CDKAL1: variants seen among roughly 807,000 people sequenced by gnomAD.
CDKAL1 encodes CDKAL1 threonylcarbamoyladenosine tRNA methylthiotransferase, also known as threonylcarbamoyladenosine tRNA methylthiotransferase.
A neutral mutation model predicts 68.2 loss-of-function variants in CDKAL1; 32 were observed. The ratio of observed to expected loss-of-function variants is 0.47; its 90% CI spans 0.35 to 0.63. CDKAL1 has a LOEUF of 0.63. Among genes scored for constraint, CDKAL1 ranks in the 30% least tolerant of loss-of-function variants. The pLI is 0.00. For synonymous variants in CDKAL1, 234 were observed against 244.3 expected (o/e 0.96, Z 0.39); for missense variants, 606 against 696.7 (o/e 0.87, Z 1.47).
chr6:20,950,556 C>CAAATA (rs1455518799), intron 9 of CDKAL1, among the ~76,000 whole-genome samples: 2 of 152,092 alleles, frequency 1.3e-5, no homozygotes, highest in East Asian at 1.9e-4. Context: ...ATAAATATAA[C>CAAATA]ATATATGTTT....
At chr6:20,850,728 G>T (rs929976683) in intron 9 of CDKAL1, among the ~76,000 whole-genome samples, 1 of 152,110 alleles carries the variant, frequency 6.6e-6, no homozygotes, top group Non-Finnish European at 1.5e-5. Flanking sequence ...GTGATTATGA[G>T]ACATTTTATA....
chr6:21,207,399 A>G (rs2151114578), intron 15 of CDKAL1, among the ~76,000 whole-genome samples: 1 of 152,084 alleles, frequency 6.6e-6, no homozygotes, highest in East Asian at 1.9e-4. Flanking sequence ...GATGGTGTAT[A>G]CCTGTAGTCT....
chr6:20,548,602 A>G lies in CDKAL1; in HGVS notation c.183A>G (p.Pro61=). The G allele has an allele frequency of 1.4e-6, 2 of 1,465,276 alleles. No individual in the cohort carries two copies. Among genetic ancestry groups the G allele is most frequent in the Non-Finnish European group, 1.9e-6 (2 of 1,050,306 alleles). The allele number at this position is 1,465,276 out of a possible 1,614,324, so 90.8% of individuals were successfully genotyped here. Reference sequence around the variant, plus strand: ...ATTGATTCCTTAACAGCACTATTCCAGGCATACAGAAAATTTGGATACGAA... The same window carrying G: ...ATTGATTCCTTAACAGCACTATTCCGGGCATACAGAAAATTTGGATACGAA... ...ENSPPSDSTI[P]GIQKIWIRTW... is the part of the protein sequence containing the mutation. The change falls in exon 4 of 16, where the codon CCA becomes CCG. Residue 61 remains proline, a synonymous_variant. Transcript: ENST00000274695.
chr6:21,215,812 C>G (rs79844423), intron 15 of CDKAL1, among the ~76,000 whole-genome samples: 2,631 of 152,200 alleles, frequency 0.017, 73 homozygotes, highest in African/African-American at 0.052. Flanking sequence ...ACTTCACCCC[C>G]CAAAGGTGAT....
Position 21,112,467 on chromosome 6 carries a change from G to C in CDKAL1, c.1299+4004G>C, listed in dbSNP as rs1026780223. ...TTTAACAGGTAGTCACTATTTTTCT[G>C]TATTTTGTGAAGTGGGCTTCTTGCT... On this transcript the variant is annotated intron_variant, in intron 13 of 15. Transcript: ENST00000274695. Among the ~76,000 whole-genome samples the C allele has an allele frequency of 5.9e-5, 9 of 152,230 alleles. 1 individual carries two copies. Among genetic ancestry groups the C allele is most frequent in the Admixed American group, 4.6e-4 (7 of 15,298 alleles).
intron 8 of CDKAL1, among the ~76,000 whole-genome samples, chr6:20,787,750 G>A (rs188181932): frequency 1.3e-5 from 2 of 152,312 alleles, no homozygotes; most frequent in East Asian, 3.9e-4. Context: ...ACCAAACTGT[G>A]TTCTGTGGAC....
intron 10 of CDKAL1, among the ~76,000 whole-genome samples, chr6:20,997,544 G>C (rs1232092913): frequency 6.6e-6 from 1 of 151,728 alleles, no homozygotes; most frequent in Non-Finnish European, 1.5e-5. Context: ...GGGGTGGCGG[G>C]GGGAGGGGGA....
At chr6:20,931,825 C>T (rs1488691920) in intron 9 of CDKAL1, among the ~76,000 whole-genome samples, 1 of 152,124 alleles carries the variant, frequency 6.6e-6, no homozygotes, top group Non-Finnish European at 1.5e-5. Flanking sequence ...AAATATTTTT[C>T]GAGCAACTGT....
At chr6:20,949,347 G>T (rs79800092) in intron 9 of CDKAL1, among the ~76,000 whole-genome samples, 9,364 of 152,212 alleles carry the variant, frequency 0.062, 402 homozygotes, top group East Asian at 0.19. Flanking sequence ...ATTGTCCAAA[G>T]AATATTCATT....
intron 9 of CDKAL1, among the ~76,000 whole-genome samples, chr6:20,917,368 T>C (rs181817241): frequency 1.3e-5 from 2 of 152,282 alleles, no homozygotes; most frequent in African/African-American, 4.8e-5. Flanking sequence ...CTGGTAATAA[T>C]TGATAGAAAG....
chr6:20,697,277 A>G (rs1462852057), intron 5 of CDKAL1, among the ~76,000 whole-genome samples: 1 of 152,210 alleles, frequency 6.6e-6, no homozygotes, highest in Non-Finnish European at 1.5e-5. Flanking sequence ...TAAAAAATGC[A>G]TAGAGCATCA....
chr6:20,698,490 T>A (rs1771201982), intron 5 of CDKAL1, among the ~76,000 whole-genome samples: 1 of 152,202 alleles, frequency 6.6e-6, no homozygotes, highest in South Asian at 2.1e-4. Context: ...GCTTATCATG[T>A]CTTAGTCTTC....
rs1413208351 is a variant in CDKAL1, at chr6:21,029,107, C to T, written c.1055+28735C>T. On this transcript the variant is annotated intron_variant, in intron 11 of 15. Coordinates refer to ENST00000274695, the MANE Select transcript of CDKAL1 (RefSeq NM_017774.3). The stretch of plus-strand genomic sequence containing the variant: ...TGTTTCCCAGGCTGGAATGCAGTGG[C>T]ACAATTATGGCTCACTGTAACCTTG... Among the ~76,000 whole-genome samples, 7 of 152,268 alleles carry T rather than the reference C, an allele frequency of 4.6e-5. No homozygotes were observed. The East Asian group carries it at 1.2e-3, about 25-fold the overall frequency.
chr6:20,618,289 A>G (rs923706957), intron 4 of CDKAL1, among the ~76,000 whole-genome samples: 2 of 152,022 alleles, frequency 1.3e-5, no homozygotes, highest in African/African-American at 4.8e-5. Context: ...ATTTGTTTAA[A>G]TTCTTTGTAT....
chr6:21,160,239 C>T (rs907420848), intron 13 of CDKAL1, among the ~76,000 whole-genome samples: 1 of 152,072 alleles, frequency 6.6e-6, no homozygotes, highest in Non-Finnish European at 1.5e-5. Context: ...TGAGCAGTCA[C>T]CTTTTTGTTT....
At chr6:21,192,369 ATGAAGTTC>A (rs1405787602) in intron 13 of CDKAL1, among the ~76,000 whole-genome samples, 2 of 152,160 alleles carry the variant, frequency 1.3e-5, no homozygotes, top group African/African-American at 4.8e-5. Flanking sequence ...AAATGATGAA[ATGAAGTTC>A]TGTACATCCT....
At chr6:20,959,906 A>T (rs1764969114) in intron 10 of CDKAL1, among the ~76,000 whole-genome samples, 1 of 152,206 alleles carries the variant, frequency 6.6e-6, no homozygotes, top group Admixed American at 6.5e-5. Context: ...CAGACTGAAA[A>T]TAATACATGT....
At chr6:20,541,128 C>A (rs1436477887) in intron 2 of CDKAL1, among the ~76,000 whole-genome samples, 1 of 152,156 alleles carries the variant, frequency 6.6e-6, no homozygotes, top group Non-Finnish European at 1.5e-5. Flanking sequence ...ATTTATTTGA[C>A]CACAGAACCA....
intron 11 of CDKAL1, among the ~76,000 whole-genome samples, chr6:21,034,626 G>A (rs1038091743): frequency 1.3e-5 from 2 of 152,056 alleles, no homozygotes; most frequent in Non-Finnish European, 2.9e-5. Flanking sequence ...GCTAGCCAAA[G>A]CACTAAGGAA....
Sources: gnomAD v4.1 joint callset for allele counts (sites outside exome capture counted in the v4.1 genomes callset) on GRCh38, gnomAD v4.1.1 for gene constraint, MANE v1.5 for transcripts, NCBI Gene and HGNC (gene_info 2026-07-23, HGNC 2026-07-21) for gene names.